The following DYNC1I1 variants were observed in gnomAD, a reference collection of about 807,000 sequenced individuals.
The protein encoded by DYNC1I1 is dynein cytoplasmic 1 intermediate chain 1.
DYNC1I1 carries 43 observed loss-of-function variants against 86.6 expected under a neutral mutation model. That is an observed-to-expected ratio of 0.50 (90% CI 0.39 to 0.64). The LOEUF is 0.64. Among genes scored for constraint, DYNC1I1 ranks in the 30% least tolerant of loss-of-function variants. The pLI is 0.00. For missense variants in DYNC1I1, 604 were observed against 788.8 expected (o/e 0.77, Z 2.81); for synonymous variants, 262 against 283.7 (o/e 0.92, Z 0.77).
chr7:96,062,085 A>G (rs1403861018), intron 14 of DYNC1I1, among the ~76,000 whole-genome samples: 1 of 152,190 alleles, frequency 6.6e-6, no homozygotes, highest in Non-Finnish European at 1.5e-5. Flanking sequence ...CTGTTGAAAC[A>G]TGATTTTTAG....
intron 6 of DYNC1I1, among the ~76,000 whole-genome samples, chr7:95,904,649 A>G (rs541691923): frequency 6.6e-6 from 1 of 152,160 alleles, no homozygotes; most frequent in Non-Finnish European, 1.5e-5. Context: ...ATACACATAT[A>G]CACATGCACA....
At chr7:96,047,582 G>A (rs1789255986) in intron 14 of DYNC1I1, among the ~76,000 whole-genome samples, 1 of 152,180 alleles carries the variant, frequency 6.6e-6, no homozygotes, top group East Asian at 1.9e-4. Context: ...GTGGAGCACT[G>A]GAGACAGATT....
At position 95,888,782 on chromosome 7, in the gene DYNC1I1, C is replaced by T. The variant is rs114764795; in HGVS notation, c.490+18784C>T. On this transcript the variant is annotated intron_variant, in intron 6 of 16. Coordinates refer to ENST00000447467, the MANE Select transcript of DYNC1I1 (RefSeq NM_001135556.2). ...ATCAAAACATGACTTAGTAGCTGTT[C>T]GAAGTAATTTTTCTACTTCTGGGCA... Among the ~76,000 whole-genome samples, 9 of 152,192 alleles carry T rather than the reference C, an allele frequency of 5.9e-5. No individual in the cohort carries two copies. The East Asian group carries it at 1.2e-3, about 20-fold the overall frequency.
chr7:95,801,442 A>T (rs1794575394), intron 1 of DYNC1I1, among the ~76,000 whole-genome samples: 1 of 152,170 alleles, frequency 6.6e-6, no homozygotes, highest in Non-Finnish European at 1.5e-5. Context: ...CAAATACAAG[A>T]CTTTCTTATA....
At chr7:96,105,064 T>A (rs1344773687) in intron 16 of DYNC1I1, among the ~76,000 whole-genome samples, 1 of 151,954 alleles carries the variant, frequency 6.6e-6, no homozygotes, top group East Asian at 1.9e-4. Flanking sequence ...TATTCCTAGA[T>A]AACAACTAAT....
At chr7:95,805,526 G>C in intron 2 of DYNC1I1, among the ~76,000 whole-genome samples, 1 of 152,138 alleles carries the variant, frequency 6.6e-6, no homozygotes, top group East Asian at 1.9e-4. Context: ...CAACAAAGCA[G>C]CAGAGACCCA....
chr7:95,773,656 G>A (rs556948811), intron 1 of DYNC1I1, among the ~76,000 whole-genome samples: 44 of 152,328 alleles, frequency 2.9e-4, no homozygotes, highest in African/African-American at 9.9e-4. Flanking sequence ...GCAGGAACAA[G>A]TAGCCAGCCA....
intron 13 of DYNC1I1, 93 bp from the exon 14 acceptor site, chr7:96,039,184 C>T: frequency 7.2e-7 from 1 of 1,385,156 alleles, no homozygotes. Context: ...TATGGAGATG[C>T]AGAGTTGAGG....
At chr7:95,843,013 T>C (rs958541689) in intron 5 of DYNC1I1, among the ~76,000 whole-genome samples, 2 of 152,230 alleles carry the variant, frequency 1.3e-5, no homozygotes, top group Admixed American at 6.5e-5. Context: ...GATTTTTTAG[T>C]TGGGACAGGA....
intron 6 of DYNC1I1, among the ~76,000 whole-genome samples, chr7:95,880,201 G>A (rs1163515616): frequency 1.3e-5 from 2 of 152,092 alleles, no homozygotes; most frequent in Admixed American, 1.3e-4. Flanking sequence ...ACATTGCCTG[G>A]AAATCTAACC....
Position 96,058,332 on chromosome 7 carries a change from G to A in DYNC1I1, c.1510-17725G>A, listed in dbSNP as rs141266108. ...CGTGACACGATCTCTGGTGCCAACA[G>A]GTTCATAGCCTACATCTTACTACTC... On this transcript the variant is annotated intron_variant, in intron 14 of 16. Coordinates refer to ENST00000447467, the MANE Select transcript of DYNC1I1 (RefSeq NM_001135556.2). Among the ~76,000 whole-genome samples, 254 of 152,284 alleles carry A rather than the reference G, an allele frequency of 1.7e-3. 1 individual carries two copies. The highest frequency in any genetic ancestry group is 2.9e-3 in the Non-Finnish European group (200 of 68,010).
At chr7:96,063,703 C>T (rs988499564) in intron 14 of DYNC1I1, among the ~76,000 whole-genome samples, 2 of 152,206 alleles carry the variant, frequency 1.3e-5, no homozygotes, top group African/African-American at 4.8e-5. Flanking sequence ...GACCTTACCT[C>T]CACAAACAAC....
intron 9 of DYNC1I1, among the ~76,000 whole-genome samples, chr7:95,994,227 A>G (rs147261129): frequency 1.8e-4 from 27 of 152,312 alleles, no homozygotes; most frequent in African/African-American, 5.8e-4. Context: ...AAATTTTGGC[A>G]CAAGTTTATT....
intron 5 of DYNC1I1, among the ~76,000 whole-genome samples, chr7:95,830,859 A>G (rs1185273502): frequency 6.6e-6 from 1 of 152,166 alleles, no homozygotes; most frequent in Non-Finnish European, 1.5e-5. Flanking sequence ...CACATTCTTG[A>G]CAACGCTTAG....
intron 1 of DYNC1I1, among the ~76,000 whole-genome samples, chr7:95,777,721 G>T (rs1278780695): frequency 6.6e-6 from 1 of 152,112 alleles, no homozygotes; most frequent in African/African-American, 2.4e-5. Context: ...AGAGTTGAGG[G>T]TATTCATAAT....
At chr7:95,911,545 C>T (rs891176121) in intron 6 of DYNC1I1, among the ~76,000 whole-genome samples, 41 of 152,058 alleles carry the variant, frequency 2.7e-4, no homozygotes, top group African/African-American at 9.7e-4. Context: ...GGAAATGTGC[C>T]CATGAAGGAC....
Position 95,865,502 on chromosome 7 carries a change from G to A in DYNC1I1, c.375-4381G>A, listed in dbSNP as rs575728024. Among the ~76,000 whole-genome samples the A allele has an allele frequency of 4.6e-5, 7 of 152,230 alleles. No individual in the cohort carries two copies. In the South Asian group the frequency reaches 1.5e-3, roughly 32 times the overall value. ...ACGCTAAACTAAGGCCCAGGGTATGGCATAAATTAGTAAGGGATAAATAAG... is the reference window on the plus strand; with the variant it reads ...ACGCTAAACTAAGGCCCAGGGTATGACATAAATTAGTAAGGGATAAATAAG... On this transcript the variant is annotated intron_variant, in intron 5 of 16. Coordinates refer to ENST00000447467, the MANE Select transcript of DYNC1I1 (RefSeq NM_001135556.2).
intron 10 of DYNC1I1, among the ~76,000 whole-genome samples, chr7:96,023,435 G>A (rs954636104): frequency 6.6e-6 from 1 of 152,162 alleles, no homozygotes; most frequent in African/African-American, 2.4e-5. Context: ...AATGACCAAA[G>A]GTTGTTCACC....
intron 14 of DYNC1I1, among the ~76,000 whole-genome samples, chr7:96,057,965 C>T (rs772047834): frequency 1.3e-5 from 2 of 152,196 alleles, no homozygotes; most frequent in African/African-American, 2.4e-5. Context: ...CCTACAAAGA[C>T]ACCTCAGTCC....
Sources: gnomAD v4.1 joint callset for allele counts (sites outside exome capture counted in the v4.1 genomes callset) on GRCh38, gnomAD v4.1.1 for gene constraint, MANE v1.5 for transcripts, NCBI Gene and HGNC (gene_info 2026-07-23, HGNC 2026-07-21) for gene names.